The following PPP1R13L variants were observed in gnomAD, a reference collection of about 807,000 sequenced individuals.
PPP1R13L encodes relA-associated inhibitor.
A neutral mutation model predicts 80.9 loss-of-function variants in PPP1R13L; 50 were observed. The observed-to-expected ratio is 0.62, with a 90% CI of 0.49 to 0.78. The LOEUF (loss-of-function observed/expected upper bound fraction) is 0.78. PPP1R13L is among the 30% of genes least tolerant of loss of function. The pLI is 0.00. For synonymous variants in PPP1R13L, 602 were observed against 534.3 expected (o/e 1.13, Z -1.75); for missense variants, 1,200 against 1,205.9 (o/e 1.00, Z 0.07).
intron 1 of PPP1R13L, 109 bp from the exon 2 acceptor site, chr19:45,398,448 C>A: frequency 9.4e-7 from 1 of 1,059,188 alleles, no homozygotes; most frequent in Non-Finnish European, 1.4e-6. Context: ...TCAGTTCCTT[C>A]CCCTGGAAGC....
intron 11 of PPP1R13L, among the ~76,000 whole-genome samples, chr19:45,382,992 C>CTTTAT (rs1972794312): frequency 1.1e-5 from 1 of 88,634 alleles, no homozygotes; most frequent in Non-Finnish European, 2.1e-5. Context: ...CATTTCTTTT[C>CTTTAT]TTTCTTTTTT....
Position 45,395,798 on chromosome 19 carries a change from C to A in PPP1R13L, c.992G>T (p.Arg331Leu). 1 of 1,579,742 alleles carries A rather than the reference C, an allele frequency of 6.3e-7. No homozygotes were observed. Among genetic ancestry groups the A allele is most frequent in the Non-Finnish European group, 8.6e-7 (1 of 1,166,068 alleles). Residue 331 changes from arginine (R) to leucine (L), a missense_variant, in exon 7 of 13, where the codon CGC (arginine) becomes CTC (leucine). This residue lies in a region of PPP1R13L where 764 missense variants were observed against 714.5 expected (regional missense o/e 1.07). Coordinates refer to ENST00000360957, the MANE Select transcript of PPP1R13L (RefSeq NM_006663.4). Reference sequence around the variant, plus strand: ...CGACGGCCCCGCGGAGCCCAGCGAGCGCCGGTAGCTGCCCGCGTCTGAACG... The same window carrying A: ...CGACGGCCCCGCGGAGCCCAGCGAGAGCCGGTAGCTGCCCGCGTCTGAACG... ...DRRSDAGSYR[R>L]SLGSAGPSGT... is the part of the protein sequence containing the mutation.
chr19:45,405,397 G>T (rs1275262944), upstream of PPP1R13L, among the ~76,000 whole-genome samples: 1 of 152,140 alleles, frequency 6.6e-6, no homozygotes, highest in African/African-American at 2.4e-5. Context: ...GTATCCCCCA[G>T]GGTCTCTGAG....
intron 1 of PPP1R13L, among the ~76,000 whole-genome samples, chr19:45,399,900 G>A (rs2123398290): frequency 6.6e-6 from 1 of 151,808 alleles, no homozygotes; most frequent in South Asian, 2.1e-4. Flanking sequence ...AGTGAGCATA[G>A]ATTGTGTCAC....
At chr19:45,406,277 A>G, upstream of PPP1R13L, 5 of 1,035,130 alleles carry the variant, frequency 4.8e-6, no homozygotes, top group Non-Finnish European at 5.8e-6. This position sits in a 1 kb window ranked among gnomAD's most constrained non-coding sequence, Gnocchi z 4.2. Context: ...CAGCCCTACT[A>G]ACTAGTATTC....
Position 45,385,855 on chromosome 19 carries a change from C to T in PPP1R13L, c.2050G>A (p.Ala684Thr). ...SIVDFLITAG[A>T]NVNSPDSHGW... Reference sequence around the variant, plus strand: ...TGGCTGTCGGGGGAGTTGACATTGGCACCCGCGGTGATGAGGAAATCCACG... The same window carrying T: ...TGGCTGTCGGGGGAGTTGACATTGGTACCCGCGGTGATGAGGAAATCCACG... The change falls in exon 10 of 13, where the codon GCC (alanine) becomes ACC (threonine). Residue 684 changes from alanine (A) to threonine (T), a missense_variant. Physicochemically the swap from Ala to Thr is moderately conservative, Grantham distance 58. Coordinates refer to ENST00000360957, the MANE Select transcript of PPP1R13L (RefSeq NM_006663.4). 1.2e-6 allele frequency: 2 copies of T among 1,610,852 alleles called. No homozygotes were observed. Among genetic ancestry groups the T allele is most frequent in the South Asian group, 1.1e-5 (1 of 90,804 alleles).
intron 8 of PPP1R13L, among the ~76,000 whole-genome samples, chr19:45,390,647 G>A (rs180780653): frequency 8.1e-4 from 123 of 152,210 alleles, no homozygotes; most frequent in African/African-American, 2.4e-3. Context: ...TGATGCTCCC[G>A]GCCGAATAAA....
At chr19:45,387,190 T>C (rs575146359) in intron 8 of PPP1R13L, among the ~76,000 whole-genome samples, 25 of 151,938 alleles carry the variant, frequency 1.6e-4, no homozygotes, top group African/African-American at 6.0e-4. Context: ...ATTACTTGAA[T>C]GGAAGAGAAG....
chr19:45,382,558 T>TG lies in PPP1R13L; in HGVS notation c.2416dup (p.Gln806ProfsTer22). 1 of 1,613,292 alleles carries TG rather than the reference T, an allele frequency of 6.2e-7. No homozygotes were observed. ...GTAGTTCCGCGGCACGTAGCCCTCC[T>TG]GGCCGTGCAGCGCGGCCCACCACCA... On this transcript the variant is annotated frameshift_variant, in exon 12 of 13. Coordinates refer to ENST00000360957, the MANE Select transcript of PPP1R13L (RefSeq NM_006663.4). LOFTEE classifies it high-confidence loss of function.
Position 45,396,299 on chromosome 19 carries a change from T to C in PPP1R13L, c.811+39A>G. The stretch of plus-strand genomic sequence containing the variant: ...TCATTAGGGTCTGTGGGGCTGCCTC[T>C]CCTCCGGGTCCTCCATTCCCCGGGC... On this transcript the variant is annotated intron_variant, in intron 5 of 12. Transcript: ENST00000360957. This position sits in a 1 kb window ranked among gnomAD's most constrained non-coding sequence, Gnocchi z 5.3. The C allele has an allele frequency of 6.2e-7, 1 of 1,613,732 alleles. No individual in the cohort carries two copies. The highest frequency in any genetic ancestry group is 1.1e-5 in the South Asian group (1 of 91,090).
chr19:45,385,635 G>A lies in PPP1R13L; in HGVS notation c.2175C>T (p.Ser725=), dbSNP rs1972850352. The change falls in exon 11 of 13, where the codon AGC becomes AGT. Residue 725 remains serine, a synonymous_variant. Coordinates refer to ENST00000360957, the MANE Select transcript of PPP1R13L (RefSeq NM_006663.4). ...ACTTCTCGAAGGCGGTGGCGCCGTC[G>A]CTGAGCGTGGTGGCGAAGATTGCAG... ...HGAAIFATTL[S]DGATAFEKCD... is the part of the protein sequence containing the mutation. 6.2e-7 allele frequency: 1 copy of A among 1,613,002 alleles called. No individual in the cohort carries two copies. Among genetic ancestry groups the A allele is most frequent in the Admixed American group, 1.7e-5 (1 of 59,964 alleles).
chr19:45,400,132 T>C lies in PPP1R13L; in HGVS notation c.-21-1793A>G, dbSNP rs79210321. Among the ~76,000 whole-genome samples the C allele has an allele frequency of 4.1e-3, 627 of 152,080 alleles. 36 individuals carry two copies. The East Asian group carries it at 0.11, about 26-fold the overall frequency. On this transcript the variant is annotated intron_variant, in intron 1 of 12. Coordinates refer to ENST00000360957, the MANE Select transcript of PPP1R13L (RefSeq NM_006663.4). The stretch of plus-strand genomic sequence containing the variant: ...CGGTTTCACACCCGCATCTAACTTA[T>C]TCTGGGTCATCTCTACCAGATTAGA...
chr19:45,402,757 C>G (rs182508839), intron 1 of PPP1R13L, among the ~76,000 whole-genome samples: 630 of 152,336 alleles, frequency 4.1e-3, no homozygotes, highest in African/African-American at 0.015. Flanking sequence ...GGGCTCTGGG[C>G]CAGCCGCAGG....
chr19:45,397,963 C>G, intron 3 of PPP1R13L, 42 bp downstream of exon 3: 1 of 1,581,772 alleles, frequency 6.3e-7, no homozygotes. Context: ...TGGACTGTGG[C>G]GAGAGGCTGG....
intron 1 of PPP1R13L, among the ~76,000 whole-genome samples, chr19:45,403,473 G>A (rs1463786782): frequency 6.6e-6 from 1 of 152,120 alleles, no homozygotes; most frequent in East Asian, 1.9e-4. Context: ...GGGACGGGAG[G>A]GCTGGGAGAG....
chr19:45,402,268 T>G (rs867764015), intron 1 of PPP1R13L: 1 of 152,354 alleles, frequency 6.6e-6, no homozygotes, highest in Middle Eastern at 3.4e-3. Context: ...TGGTAGAGAT[T>G]TAGTCTCTCT....
chr19:45,386,304 C>G, intron 8 of PPP1R13L, 124 bp from the exon 9 acceptor site: 1 of 1,252,054 alleles, frequency 8.0e-7, no homozygotes, highest in African/African-American at 1.6e-5. Flanking sequence ...ACTGGGATTC[C>G]CTCGGGATGG....
intron 8 of PPP1R13L, among the ~76,000 whole-genome samples, chr19:45,387,703 C>T (rs1258912572): frequency 2.6e-5 from 4 of 152,206 alleles, no homozygotes; most frequent in East Asian, 1.9e-4. Context: ...TACGGGCGCC[C>T]GCCACCACGC....
intron 12 of PPP1R13L, among the ~76,000 whole-genome samples, chr19:45,381,701 C>G (rs1170358699): frequency 6.7e-6 from 1 of 150,112 alleles, no homozygotes. Context: ...GAGGCTGAGG[C>G]GGGCAGGTCA....
Sources: allele counts gnomAD v4.1 joint callset (sites outside exome capture counted in the v4.1 genomes callset), GRCh38; gene constraint gnomAD v4.1.1; regional missense constraint gnomAD v4.1.1; non-coding constraint Gnocchi (gnomAD v3.1); transcripts MANE v1.5; gene names NCBI Gene and HGNC (gene_info 2026-07-23, HGNC 2026-07-21).